ACOXL: variants seen among roughly 807,000 people sequenced by gnomAD.
ACOXL encodes acyl-coenzyme A oxidase-like protein.
In ACOXL, 70 loss-of-function variants were observed where a neutral mutation model predicts 71.9. The observed-to-expected ratio is 0.97, with a 90% CI of 0.80 to 1.19. The LOEUF is 1.19. ACOXL is among the 50% of genes most tolerant of loss of function. ACOXL has a pLI of 0.00. For missense variants in ACOXL, 703 were observed against 736.3 expected, an observed-to-expected ratio of 0.95 and a Z score of 0.52; for synonymous variants, 253 against 281.6, an observed-to-expected ratio of 0.90 and a Z score of 1.02.
At chr2:110,802,204 G>GT (rs1003684540) in intron 8 of ACOXL, among the ~76,000 whole-genome samples, 1 of 151,984 alleles carries the variant, frequency 6.6e-6, no homozygotes, top group South Asian at 2.1e-4. Context: ...TGGGCATTTA[G>GT]TTTTTTTTCC....
intron 14 of ACOXL, among the ~76,000 whole-genome samples, chr2:110,997,062 C>T (rs994978632): frequency 1.3e-5 from 2 of 152,164 alleles, no homozygotes; most frequent in African/African-American, 4.8e-5. Context: ...AACATGGAGC[C>T]AGCCAAAATA....
At chr2:110,766,981 T>C (rs1014013130) in intron 1 of ACOXL, among the ~76,000 whole-genome samples, 5 of 152,078 alleles carry the variant, frequency 3.3e-5, no homozygotes, top group Admixed American at 2.0e-4. Context: ...GGAATTGGAG[T>C]GCCCCCTCCT....
intron 16 of ACOXL, among the ~76,000 whole-genome samples, chr2:111,087,284 C>G (rs759452416): frequency 3.3e-5 from 5 of 152,134 alleles, no homozygotes; most frequent in Non-Finnish European, 7.3e-5. Flanking sequence ...ACATTCTTCA[C>G]AGAAGTAGGG....
chr2:110,856,549 T>C (rs1693271501), intron 10 of ACOXL, among the ~76,000 whole-genome samples: 1 of 152,220 alleles, frequency 6.6e-6, no homozygotes, highest in Non-Finnish European at 1.5e-5. Context: ...TATGCTGCGG[T>C]TGCTAAGATC....
At chr2:111,100,359 C>T (rs1457752172) in intron 17 of ACOXL, 1 of 152,644 alleles carries the variant, frequency 6.6e-6, no homozygotes, top group Non-Finnish European at 1.5e-5. Flanking sequence ...GTAACCCACG[C>T]ACAGCAGGGA....
chr2:111,050,284 G>A (rs2066228871), intron 16 of ACOXL, among the ~76,000 whole-genome samples: 1 of 152,008 alleles, frequency 6.6e-6, no homozygotes, highest in Non-Finnish European at 1.5e-5. Context: ...AGCTTTCAGT[G>A]ATGTTAGTTT....
intron 9 of ACOXL, among the ~76,000 whole-genome samples, chr2:110,810,418 A>T (rs940578510): frequency 3.3e-5 from 5 of 152,072 alleles, no homozygotes; most frequent in Admixed American, 3.3e-4. Flanking sequence ...TTACTCTTCT[A>T]ACCTTCCTTC....
chr2:110,764,363 C>G (rs1349006983), intron 1 of ACOXL, among the ~76,000 whole-genome samples: 1 of 152,076 alleles, frequency 6.6e-6, no homozygotes, highest in Admixed American at 6.6e-5. Context: ...CCATGAAAAG[C>G]ACATGGAGAC....
At chr2:110,906,960 T>C (rs1428551200) in intron 10 of ACOXL, among the ~76,000 whole-genome samples, 3 of 152,248 alleles carry the variant, frequency 2.0e-5, no homozygotes, top group Non-Finnish European at 4.4e-5. Flanking sequence ...AAAGCTACAG[T>C]AGAATCACAG....
In ACOXL at chr2:110,980,531, G is replaced by A. The variant is rs367607070; in HGVS notation, c.1060-6577G>A. Among the ~76,000 whole-genome samples, 3 of 152,308 alleles carry A rather than the reference G, an allele frequency of 2.0e-5. No homozygotes were observed. In the East Asian group the frequency reaches 5.8e-4, roughly 29 times the overall value. ...AAAGCACCCCAAACTTCCTAACTTA[G>A]GAGCACACAACCACAACCACCTCAT... On this transcript the variant is annotated intron_variant, in intron 12 of 17. Coordinates refer to ENST00000439055, the MANE Select transcript of ACOXL (RefSeq NM_001142807.4).
chr2:110,882,681 C>G (rs866768244), intron 10 of ACOXL, among the ~76,000 whole-genome samples: 1 of 152,088 alleles, frequency 6.6e-6, no homozygotes, highest in Non-Finnish European at 1.5e-5. Flanking sequence ...TCAAAATTCA[C>G]TTTGTTGCAT....
intron 14 of ACOXL, among the ~76,000 whole-genome samples, chr2:110,996,835 G>T (rs1169118305): frequency 6.6e-6 from 1 of 152,180 alleles, no homozygotes; most frequent in Non-Finnish European, 1.5e-5. Context: ...TATTCTCTTA[G>T]GAAATGCTTT....
intron 12 of ACOXL, among the ~76,000 whole-genome samples, chr2:110,984,840 C>A (rs1229418950): frequency 6.6e-6 from 1 of 152,200 alleles, no homozygotes; most frequent in East Asian, 1.9e-4. Flanking sequence ...GTCCTCGCCT[C>A]TGGGCTCTGG....
chr2:110,884,342 A>G (rs1697042919), intron 10 of ACOXL, among the ~76,000 whole-genome samples: 1 of 152,248 alleles, frequency 6.6e-6, no homozygotes, highest in Admixed American at 6.5e-5. Context: ...TTCCTGGTAC[A>G]GGGAGGGTAT....
At chr2:111,099,222 G>T (rs2068980732) in intron 17 of ACOXL, 1 of 152,208 alleles carries the variant, frequency 6.6e-6, no homozygotes, top group African/African-American at 2.4e-5. Context: ...TTCAACCGAG[G>T]CCCCACAAGA....
At chr2:110,893,171 C>T (rs927141569) in intron 10 of ACOXL, among the ~76,000 whole-genome samples, 1 of 152,024 alleles carries the variant, frequency 6.6e-6, no homozygotes, top group African/African-American at 2.4e-5. Context: ...ATTTCAAAAG[C>T]AAAGCTAAAA....
At chr2:111,000,990 C>T (rs982719320) in intron 14 of ACOXL, among the ~76,000 whole-genome samples, 2 of 152,172 alleles carry the variant, frequency 1.3e-5, no homozygotes, top group African/African-American at 4.8e-5. Flanking sequence ...ATCCAGGACC[C>T]TCCCAGAAAT....
At chr2:110,903,247 C>T (rs528843653) in intron 10 of ACOXL, among the ~76,000 whole-genome samples, 5 of 152,170 alleles carry the variant, frequency 3.3e-5, no homozygotes, top group African/African-American at 4.8e-5. Flanking sequence ...ATGGCGCGGC[C>T]CCCCCAGAGG....
At chr2:110,930,755 A>G (rs1228497659) in intron 11 of ACOXL, among the ~76,000 whole-genome samples, 2 of 152,142 alleles carry the variant, frequency 1.3e-5, no homozygotes, top group Non-Finnish European at 2.9e-5. Context: ...CATGAGATCT[A>G]GTTGTTTTAC....
Sources: gnomAD v4.1 joint callset for allele counts (sites outside exome capture counted in the v4.1 genomes callset) on GRCh38, gnomAD v4.1.1 for gene constraint, MANE v1.5 for transcripts, NCBI Gene and HGNC (gene_info 2026-07-23, HGNC 2026-07-21) for gene names.